Variants in UBA6 observed in about 807,000 individuals in gnomAD.
The protein encoded by UBA6 is ubiquitin-like modifier-activating enzyme 6.
UBA6 carries 87 observed loss-of-function variants against 148.3 expected under a neutral mutation model. That is an observed-to-expected ratio of 0.59 (90% CI 0.49 to 0.70). The LOEUF is 0.70. Among genes scored for constraint, UBA6 ranks in the 30% least tolerant of loss-of-function variants. UBA6 has a pLI of 0.00. For synonymous variants in UBA6, 376 were observed against 401.0 expected (o/e 0.94, Z 0.75); for missense variants, 1,186 against 1,241.2 (o/e 0.96, Z 0.67).
chr4:67,649,015 AAC>A lies in UBA6; in HGVS notation c.1248+51_1248+52del, dbSNP rs541816474. 5.8e-5 allele frequency: 91 copies of A among 1,576,010 alleles called. 2 individuals are homozygous for A. In the South Asian group the frequency reaches 1.1e-3, roughly 19 times the overall value. ...ATATTAATACTACATTATAATATGT[AAC>A]ACATTCCATTTCACGAGTAAAGAAT... is the stretch of plus-strand genomic sequence containing the variant. On this transcript the variant is annotated intron_variant, in intron 14 of 32. Coordinates refer to ENST00000322244, the MANE Select transcript of UBA6 (RefSeq NM_018227.6).
intron 10 of UBA6, among the ~76,000 whole-genome samples, chr4:67,664,219 A>G (rs577110592): frequency 1.4e-4 from 21 of 152,226 alleles, no homozygotes; most frequent in Admixed American, 3.9e-4. Flanking sequence ...TAAAAAATTT[A>G]TTATTTTAAT....
At position 67,618,074 on chromosome 4, in the gene UBA6, T is replaced by C. The variant is rs1196445359; in HGVS notation, c.*923A>G. 1.4e-5 allele frequency: 2 copies of C among 145,546 alleles called. No homozygotes were observed. Among genetic ancestry groups the C allele is most frequent in the African/African-American group, 5.0e-5 (2 of 39,968 alleles). 9.0% of individuals were successfully genotyped at this position (145,546 alleles called of 1,614,324 possible). A position where few individuals can be genotyped will look rare whatever the true frequency, so the allele number is the denominator to read the frequency against. ...AAAAACACAAAATTTAATACCCTAA[T>C]TAGGTTTCTGGAAAAAAAAAAGACT... On this transcript the variant is annotated 3_prime_UTR_variant, in exon 33 of 33. Transcript: ENST00000322244.
At chr4:67,655,583 A>G (rs998473135) in intron 13 of UBA6, among the ~76,000 whole-genome samples, 3 of 152,252 alleles carry the variant, frequency 2.0e-5, no homozygotes, top group Admixed American at 6.5e-5. Context: ...CACAAGAGAA[A>G]GCAGGAAAGA....
chr4:67,663,840 C>T (rs1456749594), intron 11 of UBA6, 45 bp downstream of exon 11: 6 of 1,519,308 alleles, frequency 3.9e-6, no homozygotes, highest in Non-Finnish European at 5.5e-6. Flanking sequence ...TAATTCTCAT[C>T]TCTGATTCTG....
chr4:67,681,055 AC>A (rs1730423013), intron 4 of UBA6, among the ~76,000 whole-genome samples: 1 of 152,094 alleles, frequency 6.6e-6, no homozygotes, highest in Admixed American at 6.5e-5. Context: ...AGAAACCCCA[AC>A]CAGAGTCATG....
At chr4:67,685,493 C>A (rs1264359901) in intron 2 of UBA6, among the ~76,000 whole-genome samples, 1 of 152,076 alleles carries the variant, frequency 6.6e-6, no homozygotes, top group African/African-American at 2.4e-5. Context: ...GATGTTTGAA[C>A]AAGTTCAGAT....
At chr4:67,662,474 T>G (rs907023690) in intron 12 of UBA6, 6 of 246,672 alleles carry the variant, frequency 2.4e-5, no homozygotes, top group South Asian at 2.4e-4. Flanking sequence ...GTTTTTTTTG[T>G]TTTTTTTTTT....
At chr4:67,628,943 A>C (rs1484133101) in intron 27 of UBA6, 128 bp downstream of exon 27, 6 of 682,872 alleles carry the variant, frequency 8.8e-6, no homozygotes, top group Non-Finnish European at 1.6e-5. Context: ...TCTACTTCAA[A>C]CTCAAGTTGC....
chr4:67,657,826 C>CAAAAAAAAAAAAAAAAAAGAAAAAAAA (rs57984969), intron 13 of UBA6, among the ~76,000 whole-genome samples: 1 of 115,156 alleles, frequency 8.7e-6, no homozygotes, highest in Non-Finnish European at 1.7e-5. Flanking sequence ...AACAAATTTA[C>CAAAAAAAAAAAAAAAAAAGAAAAAAAA]AAAAAAAAAA....
chr4:67,684,429 CT>C (rs140274304), intron 2 of UBA6, among the ~76,000 whole-genome samples: 17,044 of 151,958 alleles, frequency 0.11, 1,203 homozygotes, highest in South Asian at 0.22. Context: ...AATTATGATT[CT>C]TTTTTTATGT....
Position 67,696,655 on chromosome 4 carries a change from C to T in UBA6, c.124G>A (p.Ala42Thr). 1 of 1,606,658 alleles carries T rather than the reference C, an allele frequency of 6.2e-7. No individual in the cohort carries two copies. The highest frequency in any genetic ancestry group is 8.5e-7 in the Non-Finnish European group (1 of 1,176,306). ...MSTASVEIDD[A>T]LYSRQRYVLG... ...CTATGAGATTCTTACCTATACAATG[C>T]ATCATCGATTTCCACAGATGCTGTT... Residue 42 changes from alanine to threonine, a missense_variant, in exon 2 of 33, where the codon GCA becomes ACA. Physicochemically the swap from Ala to Thr is moderately conservative, Grantham distance 58. Transcript: ENST00000322244.
At position 67,616,195 on chromosome 4, in the gene UBA6, GT is replaced by G; in HGVS notation, c.*2801del. The stretch of plus-strand genomic sequence containing the variant: ...TTCAGAGAAAGCATTCAGATTATAT[GT>G]TTTTGAATCTATGAAAAGTAAAATC... On this transcript the variant is annotated 3_prime_UTR_variant, in exon 33 of 33. Coordinates refer to ENST00000322244, the MANE Select transcript of UBA6 (RefSeq NM_018227.6). 2.5e-6 allele frequency: 1 copy of G among 393,898 alleles called. No homozygotes were observed. Among genetic ancestry groups the G allele is most frequent in the Non-Finnish European group, 4.5e-6 (1 of 223,868 alleles). 24.4% of individuals were successfully genotyped at this position (393,898 alleles called of 1,614,324 possible). A position where few individuals can be genotyped will look rare whatever the true frequency, so the allele number is the denominator to read the frequency against.
At chr4:67,681,392 G>A (rs1730433867) in intron 4 of UBA6, among the ~76,000 whole-genome samples, 171 bp downstream of exon 4, 1 of 151,710 alleles carries the variant, frequency 6.6e-6, no homozygotes, top group East Asian at 1.9e-4. Context: ...GGGTATGTGG[G>A]GTTTTGTTAC....
At chr4:67,651,914 A>C (rs370689598) in intron 13 of UBA6, among the ~76,000 whole-genome samples, 8 of 152,232 alleles carry the variant, frequency 5.3e-5, no homozygotes, top group African/African-American at 1.9e-4. Context: ...TACTTTGTGC[A>C]GTATATAAAG....
intron 2 of UBA6, among the ~76,000 whole-genome samples, chr4:67,695,635 T>C (rs1228808160): frequency 2.0e-5 from 3 of 152,204 alleles, no homozygotes; most frequent in Non-Finnish European, 2.9e-5. Context: ...TTAATAATAA[T>C]AGATAACCCT....
At chr4:67,621,055 A>G (rs756608275) in intron 32 of UBA6, among the ~76,000 whole-genome samples, 28 of 152,208 alleles carry the variant, frequency 1.8e-4, no homozygotes, top group Admixed American at 4.6e-4. Flanking sequence ...CCAAATCTTA[A>G]AAGCATTTTT....
chr4:67,683,313 G>A (rs2109952063), intron 2 of UBA6, among the ~76,000 whole-genome samples: 1 of 152,276 alleles, frequency 6.6e-6, no homozygotes, highest in South Asian at 2.1e-4. Flanking sequence ...CACTTTGAGT[G>A]TCTTTTATCT....
chr4:67,621,664 G>T (rs1473584671), intron 32 of UBA6, among the ~76,000 whole-genome samples: 1 of 152,096 alleles, frequency 6.6e-6, no homozygotes, highest in Non-Finnish European at 1.5e-5. Context: ...TTAGCCAGGT[G>T]TGGTGTTGGG....
chr4:67,643,207 A>G (rs1729347593), intron 17 of UBA6, among the ~76,000 whole-genome samples: 1 of 151,844 alleles, frequency 6.6e-6, no homozygotes, highest in Admixed American at 6.6e-5. Flanking sequence ...TATAATAATA[A>G]TAAAATAAAA....
Sources: allele counts gnomAD v4.1 joint callset (sites outside exome capture counted in the v4.1 genomes callset), GRCh38; gene constraint gnomAD v4.1.1; transcripts MANE v1.5; gene names NCBI Gene and HGNC (gene_info 2026-07-23, HGNC 2026-07-21).